Variants in GORAB observed in about 807,000 individuals in gnomAD.
GORAB encodes the protein RAB6-interacting golgin.
GORAB carries 17 observed loss-of-function variants against 29.9 expected under a neutral mutation model. The ratio of observed to expected loss-of-function variants is 0.57; its 90% CI spans 0.39 to 0.85. The LOEUF (loss-of-function observed/expected upper bound fraction) is 0.85. Among genes scored for constraint, GORAB ranks in the 40% least tolerant of loss-of-function variants. The probability of loss-of-function intolerance (pLI) is 0.00; values close to 1 mark genes in which losing one functional copy is unlikely to be tolerated. For missense variants in GORAB, 442 were observed against 437.8 expected, an observed-to-expected ratio of 1.01 and a Z score of -0.09; for synonymous variants, 183 against 157.2, an observed-to-expected ratio of 1.16 and a Z score of -1.23.
rs139038918 is a variant in GORAB at position 170,549,224 on chromosome 1, A to G, written c.663-2791A>G. On this transcript the variant is annotated intron_variant, in intron 4 of 4. Transcript: ENST00000367763. ...CACTCTGTCTTACTGTGTTATGTAT[A>G]ATGCTCTTATTATTTTGTTCCAGAA... Among the ~76,000 whole-genome samples the G allele has an allele frequency of 1.8e-3, 273 of 152,302 alleles. 1 individual carries two copies. Among genetic ancestry groups the G allele is most frequent in the African/African-American group, 6.2e-3 (259 of 41,560 alleles).
At chr1:170,536,737 A>C (rs1020830880) in intron 1 of GORAB, among the ~76,000 whole-genome samples, 5 of 152,242 alleles carry the variant, frequency 3.3e-5, no homozygotes, top group Admixed American at 6.5e-5. Flanking sequence ...AATGTTATAC[A>C]ACAAAATGAA....
intron 4 of GORAB, chr1:170,545,848 C>A: frequency 1.8e-6 from 1 of 561,944 alleles, no homozygotes; most frequent in Non-Finnish European, 2.3e-6. Context: ...TGCTATTAGA[C>A]TTAGAGTTGT....
intron 4 of GORAB, among the ~76,000 whole-genome samples, chr1:170,546,025 G>A (rs1188399147): frequency 1.3e-5 from 2 of 152,086 alleles, no homozygotes; most frequent in Admixed American, 6.5e-5. Context: ...TTTGCCAGAG[G>A]AACATTTTTA....
Position 170,553,647 on chromosome 1 carries a change from G to A in GORAB, c.*1185G>A. On this transcript the variant is annotated 3_prime_UTR_variant, in exon 5 of 5. Coordinates refer to ENST00000367763, the MANE Select transcript of GORAB (RefSeq NM_152281.3). The stretch of plus-strand genomic sequence containing the variant: ...GTTTGTTTGAGGGTATTATCTTCTG[G>A]TAATATAGATGAGCTTTATATTTTT... 1 of 451,984 alleles carries A rather than the reference G, an allele frequency of 2.2e-6. No homozygotes were observed. Among genetic ancestry groups the A allele is most frequent in the South Asian group, 1.6e-5 (1 of 63,352 alleles). The allele number at this position is 451,984 out of a possible 1,614,324, so 28.0% of individuals were successfully genotyped here.
At chr1:170,550,611 T>C (rs1406202557) in intron 4 of GORAB, among the ~76,000 whole-genome samples, 2 of 152,204 alleles carry the variant, frequency 1.3e-5, no homozygotes, top group Non-Finnish European at 2.9e-5. Context: ...AACCCTGAGT[T>C]TTCTAAAATG....
intron 3 of GORAB, among the ~76,000 whole-genome samples, chr1:170,543,621 T>C (rs1034055932): frequency 2.1e-5 from 3 of 145,240 alleles, no homozygotes; most frequent in Non-Finnish European, 4.5e-5. Flanking sequence ...GATAAAAGAG[T>C]AGTGCCCTCT....
Position 170,532,479 on chromosome 1 carries a change from G to A in GORAB, c.61+195G>A, listed in dbSNP as rs532199383. The A allele has an allele frequency of 6.4e-5, 39 of 609,216 alleles. No homozygotes were observed. The South Asian group carries it at 7.4e-4, about 12-fold the overall frequency. 37.7% of individuals were successfully genotyped at this position (609,216 alleles called of 1,614,324 possible). On this transcript the variant is annotated intron_variant, in intron 1 of 4. Coordinates refer to ENST00000367763, the MANE Select transcript of GORAB (RefSeq NM_152281.3). Reference sequence around the variant, plus strand: ...TCACGACGGGAGGGGCAAGCCAGAGGACTGGGATCTTCTTTTAGAAAAAAC... The same window carrying A: ...TCACGACGGGAGGGGCAAGCCAGAGAACTGGGATCTTCTTTTAGAAAAAAC...
At chr1:170,542,387 G>T (rs1649486921) in intron 2 of GORAB, 104 bp from the exon 3 acceptor site, 1 of 707,070 alleles carries the variant, frequency 1.4e-6, no homozygotes, top group Non-Finnish European at 2.5e-6. Context: ...AAATCTTCTT[G>T]ATTAAATTTT....
rs188993849 is a variant in GORAB at position 170,543,150 on chromosome 1, C to A, written c.521+558C>A. Reference sequence around the variant, plus strand: ...ACTGTGTGAGATTCAATTTTTCTTTCACCTTCCAGTGTCTATCAGCAGCCC... The same window carrying A: ...ACTGTGTGAGATTCAATTTTTCTTTAACCTTCCAGTGTCTATCAGCAGCCC... On this transcript the variant is annotated intron_variant, in intron 3 of 4. Coordinates refer to ENST00000367763, the MANE Select transcript of GORAB (RefSeq NM_152281.3). 2.0e-5 allele frequency among the ~76,000 whole-genome samples: 3 copies of A among 152,252 alleles called. No homozygotes were observed. The East Asian group carries it at 5.8e-4, about 29-fold the overall frequency.
chr1:170,538,439 T>A (rs1558003660), intron 1 of GORAB, among the ~76,000 whole-genome samples: 1 of 152,180 alleles, frequency 6.6e-6, no homozygotes, highest in Non-Finnish European at 1.5e-5. Flanking sequence ...GATTCTCCAA[T>A]TGTCTGCCCT....
intron 1 of GORAB, 101 bp from the exon 2 acceptor site, chr1:170,539,109 T>C: frequency 2.1e-6 from 3 of 1,416,942 alleles, no homozygotes; most frequent in Non-Finnish European, 2.9e-6. Context: ...GGAGAACCAC[T>C]AGAATTATCA....
At chr1:170,545,696 G>T (rs1183255627) in intron 4 of GORAB, 2 of 984,834 alleles carry the variant, frequency 2.0e-6, no homozygotes, top group African/African-American at 3.5e-5. Context: ...CATTAGGCCA[G>T]GGTAAACCAC....
chr1:170,544,824 G>A lies in GORAB; in HGVS notation c.641G>A (p.Ser214Asn), dbSNP rs1397147015. 1 of 1,613,290 alleles carries A rather than the reference G, an allele frequency of 6.2e-7. No individual in the cohort carries two copies. The highest frequency in any genetic ancestry group is 2.2e-5 in the East Asian group (1 of 44,868). Residue 214 changes from serine (S) to asparagine (N), a missense_variant, in exon 4 of 5, where the codon AGC becomes AAC. By Grantham distance (46) the Ser-to-Asn change is conservative. Transcript: ENST00000367763. Reference sequence around the variant, plus strand: ...CTCAGGAACCGGATTGATCAGGCCAGCTTAGACTATTCATACGCTCGGTGA... The same window carrying A: ...CTCAGGAACCGGATTGATCAGGCCAACTTAGACTATTCATACGCTCGGTGA... ...GILRNRIDQA[S>N]LDYSYARKRF...
chr1:170,544,551 C>A, intron 3 of GORAB, 154 bp from the exon 4 acceptor site: 1 of 562,088 alleles, frequency 1.8e-6, no homozygotes, highest in East Asian at 3.0e-5. Flanking sequence ...TGTTAACCAG[C>A]TTTTACTTTA....
chr1:170,540,078 TG>T (rs1356329238), intron 2 of GORAB, among the ~76,000 whole-genome samples: 1 of 151,896 alleles, frequency 6.6e-6, no homozygotes, highest in Non-Finnish European at 1.5e-5. Flanking sequence ...CTGCCCAAAT[TG>T]ACCCCTTTTT....
At chr1:170,533,573 A>C (rs1432383433) in intron 1 of GORAB, 1 of 455,192 alleles carries the variant, frequency 2.2e-6, no homozygotes, top group Admixed American at 2.3e-5. Context: ...GACAAGAGGA[A>C]CCTCACTCTG....
Position 170,553,639 on chromosome 1 carries a change from A to G in GORAB, c.*1177A>G, listed in dbSNP as rs1419592199. 1 of 452,474 alleles carries G rather than the reference A, an allele frequency of 2.2e-6. No homozygotes were observed. The highest frequency in any genetic ancestry group is 6.9e-5 in the East Asian group (1 of 14,390). The allele number at this position is 452,474 out of a possible 1,614,324, so 28.0% of individuals were successfully genotyped here. On this transcript the variant is annotated 3_prime_UTR_variant, in exon 5 of 5. Coordinates refer to ENST00000367763, the MANE Select transcript of GORAB (RefSeq NM_152281.3). ...TTAAATGGGTTTGTTTGAGGGTATT[A>G]TCTTCTGGTAATATAGATGAGCTTT...
intron 3 of GORAB, among the ~76,000 whole-genome samples, chr1:170,543,493 G>C (rs546663719): frequency 1.3e-5 from 2 of 152,250 alleles, no homozygotes; most frequent in African/African-American, 4.8e-5. Flanking sequence ...AGAGGAGTGA[G>C]TGTAGTTGAG....
intron 2 of GORAB, among the ~76,000 whole-genome samples, chr1:170,542,097 G>T (rs569289258): frequency 6.6e-6 from 1 of 152,276 alleles, no homozygotes; most frequent in African/African-American, 2.4e-5. Context: ...ACTCTAAAAG[G>T]TATAAATAAT....
Sources: allele counts gnomAD v4.1 joint callset (sites outside exome capture counted in the v4.1 genomes callset), GRCh38; gene constraint gnomAD v4.1.1; transcripts MANE v1.5; gene names NCBI Gene and HGNC (gene_info 2026-07-23, HGNC 2026-07-21).